The following CUBN variants were observed in gnomAD, a reference collection of about 807,000 sequenced individuals.
The protein encoded by CUBN is 460 kDa receptor.
In CUBN, 282 loss-of-function variants were observed where a neutral mutation model predicts 405.3. The observed-to-expected ratio is 0.70, with a 90% CI of 0.63 to 0.77. The LOEUF (loss-of-function observed/expected upper bound fraction) is 0.77. CUBN is among the 30% of genes least tolerant of loss of function. The pLI, the probability that CUBN is intolerant of heterozygous loss-of-function variation, is 0.00. For synonymous variants in CUBN, 1,684 were observed against 1,617.0 expected, an observed-to-expected ratio of 1.04 and a Z score of -0.99; for missense variants, 4,514 against 4,475.2, an observed-to-expected ratio of 1.01 and a Z score of -0.25.
chr10:17,104,534 A>T lies in CUBN; in HGVS notation c.1302T>A (p.Asn434Lys), dbSNP rs1326942799. ...TCAAACAGGGGTTGCTCAAACACTC[A>T]TTGATGTTTTCTGTACAGTTGACAC... is the stretch of plus-strand genomic sequence containing the variant. ...WTGVNCTENINECLSNPCLNG... is the reference protein window; with the variant it reads ...WTGVNCTENIKECLSNPCLNG... The change falls in exon 12 of 67, where the codon AAT (asparagine) becomes AAA (lysine). Residue 434 changes from asparagine (N) to lysine (K), a missense_variant. Physicochemically the swap from Asn to Lys is moderately conservative, Grantham distance 94. Around this residue, in one of 5 missense-constraint regions of CUBN, gnomAD observed 1,448 missense variants for 1,388.0 expected, o/e 1.04. Transcript: ENST00000377833. 1 of 1,613,812 alleles carries T rather than the reference A, an allele frequency of 6.2e-7. No homozygotes were observed. Among genetic ancestry groups the T allele is most frequent in the Non-Finnish European group, 8.5e-7 (1 of 1,179,994 alleles).
At chr10:16,989,191 A>C (rs1239927117) in intron 29 of CUBN, among the ~76,000 whole-genome samples, 2 of 152,130 alleles carry the variant, frequency 1.3e-5, no homozygotes, top group Admixed American at 6.6e-5. Context: ...AGCTGAGGTC[A>C]CAGGATTTTT....
In CUBN at chr10:16,939,150, A is replaced by T; in HGVS notation, c.5549-3T>A. The T allele has an allele frequency of 6.2e-7, 1 of 1,612,310 alleles. No individual in the cohort carries two copies. The highest frequency in any genetic ancestry group is 1.1e-5 in the South Asian group (1 of 91,046). ...CACAATATTATCATTGCCAAATACT[A>T]GGAGGGAAGACAGAGTAGTAAATCA... On this transcript the variant is annotated splice_region_variant and splice_polypyrimidine_tract_variant and intron_variant, in intron 37 of 66. Transcript: ENST00000377833.
intron 47 of CUBN, among the ~76,000 whole-genome samples, chr10:16,914,509 A>AT (rs1841826589): frequency 1.3e-5 from 2 of 152,088 alleles, no homozygotes; most frequent in African/African-American, 4.8e-5. Flanking sequence ...CAGTGAGCTG[A>AT]TATCATGCCA....
rs4748327 is a variant in CUBN at position 16,877,395 on chromosome 10, G to A, written c.8906-298C>T. Among the ~76,000 whole-genome samples the A allele has an allele frequency of 0.06, 9,198 of 152,056 alleles. 782 individuals carry two copies. The highest frequency in any genetic ancestry group is 0.32 in the East Asian group (1,631 of 5,156). Reference sequence around the variant, plus strand: ...ACTCAGTGACTGTAAACTGGGGACCGTGTTGCCTCCCCAAGAACACCTGGC... The same window carrying A: ...ACTCAGTGACTGTAAACTGGGGACCATGTTGCCTCCCCAAGAACACCTGGC... On this transcript the variant is annotated intron_variant, in intron 56 of 66. Transcript: ENST00000377833.
At chr10:17,107,480 CAAT>C (rs1176771410) in intron 10 of CUBN, among the ~76,000 whole-genome samples, 1 of 147,590 alleles carries the variant, frequency 6.8e-6, no homozygotes, top group Non-Finnish European at 1.5e-5. Context: ...AATTGAATGA[CAAT>C]ATAAGTTGTT....
At chr10:17,113,755 C>A (rs1414936381) in intron 8 of CUBN, among the ~76,000 whole-genome samples, 2 of 152,216 alleles carry the variant, frequency 1.3e-5, no homozygotes, top group African/African-American at 4.8e-5. Flanking sequence ...CAAATCTGGT[C>A]AGTTGGTGGT....
chr10:16,952,531 G>A, intron 32 of CUBN, 142 bp from the exon 33 acceptor site: 1 of 667,372 alleles, frequency 1.5e-6, no homozygotes, highest in Non-Finnish European at 2.8e-6. Context: ...TCCATAAGGA[G>A]AGCTGTACAT....
chr10:17,057,293 G>A (rs1835417538), intron 22 of CUBN, among the ~76,000 whole-genome samples: 1 of 152,110 alleles, frequency 6.6e-6, no homozygotes, highest in Admixed American at 6.6e-5. Flanking sequence ...ACACCCACAT[G>A]CAAATTAAGG....
At chr10:17,127,764 C>A in intron 3 of CUBN, 65 bp downstream of exon 3, 2 of 1,183,120 alleles carry the variant, frequency 1.7e-6, no homozygotes, top group Non-Finnish European at 2.5e-6. Flanking sequence ...CCCTACAAAA[C>A]GGTTACTTAT....
intron 31 of CUBN, among the ~76,000 whole-genome samples, chr10:16,960,165 T>C (rs1393050804): frequency 6.6e-6 from 1 of 152,188 alleles, no homozygotes; most frequent in Non-Finnish European, 1.5e-5. Context: ...TCCAGAATTT[T>C]ATAAAATGCC....
chr10:16,971,837 T>C (rs1832946397), intron 31 of CUBN, among the ~76,000 whole-genome samples: 1 of 152,154 alleles, frequency 6.6e-6, no homozygotes, highest in Admixed American at 6.5e-5. Context: ...TCCACTGATT[T>C]TGGTTAACCC....
At chr10:16,872,072 T>C (rs1008038053) in intron 58 of CUBN, among the ~76,000 whole-genome samples, 11 of 151,484 alleles carry the variant, frequency 7.3e-5, no homozygotes, top group Non-Finnish European at 1.0e-4. Flanking sequence ...TAAATATATA[T>C]ATATATACAA....
At chr10:17,081,329 G>A (rs76021360) in intron 17 of CUBN, among the ~76,000 whole-genome samples, 4,325 of 152,118 alleles carry the variant, frequency 0.028, 69 homozygotes, top group East Asian at 0.064. Context: ...AATGTCCTTA[G>A]GATCATTCTC....
intron 27 of CUBN, among the ~76,000 whole-genome samples, chr10:17,027,973 A>G (rs1253600242): frequency 6.6e-6 from 1 of 152,082 alleles, no homozygotes; most frequent in East Asian, 1.9e-4. Flanking sequence ...CATAATATAT[A>G]CACCTATTAA....
At chr10:17,106,645 A>C (rs1451352883) in intron 10 of CUBN, among the ~76,000 whole-genome samples, 1 of 149,064 alleles carries the variant, frequency 6.7e-6, no homozygotes, top group Non-Finnish European at 1.5e-5. Flanking sequence ...TATAATCCCC[A>C]CTTTACAGAT....
At chr10:16,854,965 C>T (rs1190501033) in intron 59 of CUBN, among the ~76,000 whole-genome samples, 1 of 148,814 alleles carries the variant, frequency 6.7e-6, no homozygotes, top group Non-Finnish European at 1.5e-5. Flanking sequence ...TCTCTTCCTC[C>T]CTCACTCCTT....
At chr10:17,127,227 T>TCC (rs1837216177) in intron 3 of CUBN, among the ~76,000 whole-genome samples, 1 of 150,310 alleles carries the variant, frequency 6.7e-6, no homozygotes, top group Non-Finnish European at 1.5e-5. Context: ...TCTCTCTCTC[T>TCC]GTCTCTCTCT....
intron 14 of CUBN, among the ~76,000 whole-genome samples, chr10:17,089,595 C>T (rs1836206170): frequency 6.6e-6 from 1 of 152,086 alleles, no homozygotes; most frequent in Admixed American, 6.5e-5. Context: ...GTTTTGAAAA[C>T]AAATTATTGG....
chr10:16,868,621 T>G (rs72771380), intron 59 of CUBN, among the ~76,000 whole-genome samples: 6,352 of 152,322 alleles, frequency 0.042, 199 homozygotes, highest in Non-Finnish European at 0.066. Flanking sequence ...ATTAACTACC[T>G]TTTATTTTAA....
Sources: allele counts gnomAD v4.1 joint callset (sites outside exome capture counted in the v4.1 genomes callset), GRCh38; gene constraint gnomAD v4.1.1; regional missense constraint gnomAD v4.1.1; transcripts MANE v1.5; gene names NCBI Gene and HGNC (gene_info 2026-07-23, HGNC 2026-07-21).